The following ATP9A variants were observed in gnomAD, a reference collection of about 807,000 sequenced individuals.
ATP9A encodes the protein probable phospholipid-transporting ATPase IIA.
In ATP9A, 52 loss-of-function variants were observed where a neutral mutation model predicts 144.1. The ratio of observed to expected loss-of-function variants is 0.36; its 90% CI spans 0.29 to 0.45. The LOEUF is 0.45. Ranked by LOEUF, ATP9A falls within the 20% of genes least tolerant of loss-of-function variation. The probability of loss-of-function intolerance (pLI) is 1.00; values close to 1 mark genes in which losing one functional copy is unlikely to be tolerated. For missense variants in ATP9A, 947 were observed against 1,392.7 expected (o/e 0.68, Z 5.09); for synonymous variants, 582 against 557.4 (o/e 1.04, Z -0.62).
Position 51,596,589 on chromosome 20 carries a change from T to C in ATP9A, c.*4622A>G, listed in dbSNP as rs1243393109. 2 of 152,146 alleles carry C rather than the reference T, an allele frequency of 1.3e-5. No individual in the cohort carries two copies. The highest frequency in any genetic ancestry group is 2.4e-5 in the African/African-American group (1 of 41,430). The allele number at this position is 152,146 out of a possible 1,614,324, so 9.4% of individuals were successfully genotyped here. ...GTCTGGGATGGACAATAGTACAAAATAATAAATAACATGCATTGATTTGGG... is the reference window on the plus strand; with the variant it reads ...GTCTGGGATGGACAATAGTACAAAACAATAAATAACATGCATTGATTTGGG... On this transcript the variant is annotated 3_prime_UTR_variant, in exon 28 of 28. Transcript: ENST00000338821.
rs1388084165 is a variant in ATP9A, at chr20:51,689,985, A to ACC, written c.723+752_723+753dup. Among the ~76,000 whole-genome samples, 3 of 151,170 alleles carry ACC rather than the reference A, an allele frequency of 2.0e-5. No homozygotes were observed. In the East Asian group the frequency reaches 6.1e-4, roughly 31 times the overall value. On this transcript the variant is annotated intron_variant, in intron 8 of 27. Transcript: ENST00000338821. ...AAATTAGCCAGGCGTGGTGATGCACACCTGGAATCCCAGCTACTCAGGAAG... is the reference window on the plus strand; with the variant it reads ...AAATTAGCCAGGCGTGGTGATGCACACCCCTGGAATCCCAGCTACTCAGGAAG...
At chr20:51,706,262 T>C (rs1163926884) in intron 4 of ATP9A, among the ~76,000 whole-genome samples, 1 of 152,246 alleles carries the variant, frequency 6.6e-6, no homozygotes, top group Non-Finnish European at 1.5e-5. Flanking sequence ...GTAACTTGAC[T>C]TAAAGGCTAA....
chr20:51,688,412 G>A (rs1197944727), intron 9 of ATP9A, among the ~76,000 whole-genome samples: 1 of 152,054 alleles, frequency 6.6e-6, no homozygotes, highest in Non-Finnish European at 1.5e-5. Flanking sequence ...GGCCAACATG[G>A]TGAAACCCCA....
intron 1 of ATP9A, among the ~76,000 whole-genome samples, chr20:51,747,783 C>T (rs1260673842): frequency 1.3e-5 from 2 of 152,128 alleles, no homozygotes; most frequent in African/African-American, 4.8e-5. Flanking sequence ...GACCCACTCC[C>T]ACAAAGATCC....
rs377730874 is a variant in ATP9A at position 51,617,538 on chromosome 20, G to A, written c.2367C>T (p.Asp789=). The change falls in exon 22 of 28, where the codon GAC becomes GAT. Residue 789 remains aspartate (D), a synonymous_variant. Transcript: ENST00000338821. ...AGTCAGATTCCTGAATCATGCTGAC[G>A]TCATTGCCTCCGTCCCCTGCGAGCC... ...LTCAVGDGGN[D]VSMIQESDCG... 3.1e-6 allele frequency: 5 copies of A among 1,611,718 alleles called. No homozygotes were observed. Among genetic ancestry groups the A allele is most frequent in the East Asian group, 2.2e-5 (1 of 44,806 alleles).
intron 14 of ATP9A, among the ~76,000 whole-genome samples, chr20:51,646,948 T>C (rs1376137617): frequency 6.6e-6 from 1 of 151,464 alleles, no homozygotes; most frequent in Non-Finnish European, 1.5e-5. Flanking sequence ...TGAAAACCCA[T>C]CTCTACTAAA....
At chr20:51,608,413 AG>A (rs2077172120) in intron 25 of ATP9A, 104 bp downstream of exon 25, 2 of 777,414 alleles carry the variant, frequency 2.6e-6, no homozygotes, top group Non-Finnish European at 2.3e-6. Flanking sequence ...TCAGAATTGG[AG>A]GGTCTGTGTG....
intron 23 of ATP9A, among the ~76,000 whole-genome samples, chr20:51,613,314 C>T (rs182605789): frequency 1.3e-5 from 2 of 152,290 alleles, no homozygotes; most frequent in East Asian, 3.9e-4. Context: ...ATTATAACAA[C>T]GTACCCACAA....
chr20:51,677,417 C>A (rs2077482160), intron 9 of ATP9A, among the ~76,000 whole-genome samples: 1 of 152,174 alleles, frequency 6.6e-6, no homozygotes, highest in Admixed American at 6.5e-5. Flanking sequence ...TAGTAGCTAC[C>A]TCATGGAACA....
intron 3 of ATP9A, among the ~76,000 whole-genome samples, chr20:51,715,146 T>TAC (rs2077656673): frequency 6.6e-6 from 1 of 152,240 alleles, no homozygotes; most frequent in Non-Finnish European, 1.5e-5. Context: ...TTTCATAGTT[T>TAC]ACCCTGTGAA....
At chr20:51,722,496 GA>G (rs1219538098) in intron 3 of ATP9A, among the ~76,000 whole-genome samples, 1 of 151,824 alleles carries the variant, frequency 6.6e-6, no homozygotes, top group East Asian at 1.9e-4. Context: ...AAATCAGTAA[GA>G]AAAAAACAAA....
chr20:51,640,308 C>A (rs560175525), intron 14 of ATP9A, among the ~76,000 whole-genome samples: 1 of 152,272 alleles, frequency 6.6e-6, no homozygotes, highest in Admixed American at 6.5e-5. Context: ...CCCAGGGGAC[C>A]CGCGCCAACA....
intron 15 of ATP9A, among the ~76,000 whole-genome samples, chr20:51,638,420 G>A (rs1324227409): frequency 2.6e-5 from 4 of 151,976 alleles, no homozygotes. Flanking sequence ...ACATAGGTGT[G>A]GGACTGAACC....
rs1032962249 is a variant in ATP9A at position 51,615,385 on chromosome 20, T to C, written c.2416-1553A>G. ...TAAGAAGTGATGGCTCTGTATGCTC[T>C]CATGTAGGAACAAATCCATGATGTA... On this transcript the variant is annotated intron_variant, in intron 22 of 27. Coordinates refer to ENST00000338821, the MANE Select transcript of ATP9A (RefSeq NM_006045.3). 7.2e-5 allele frequency among the ~76,000 whole-genome samples: 11 copies of C among 152,302 alleles called. No individual in the cohort carries two copies. The South Asian group carries it at 1.5e-3, about 20-fold the overall frequency.
chr20:51,633,581 A>G (rs771582497), intron 15 of ATP9A, among the ~76,000 whole-genome samples: 2 of 152,090 alleles, frequency 1.3e-5, no homozygotes, highest in Non-Finnish European at 2.9e-5. Context: ...CTTTGGCTCT[A>G]CAAAAAATTT....
chr20:51,709,397 C>T (rs978704278), intron 4 of ATP9A, among the ~76,000 whole-genome samples: 1 of 152,140 alleles, frequency 6.6e-6, no homozygotes, highest in Non-Finnish European at 1.5e-5. Context: ...CACCTGTAAT[C>T]CCAGCTACTC....
At chr20:51,711,732 C>T (rs1455429625) in intron 4 of ATP9A, among the ~76,000 whole-genome samples, 1 of 152,010 alleles carries the variant, frequency 6.6e-6, no homozygotes, top group African/African-American at 2.4e-5. Flanking sequence ...GGCTTTTCCA[C>T]CGTGTGTTTC....
At chr20:51,633,806 G>A (rs531448975) in intron 15 of ATP9A, among the ~76,000 whole-genome samples, 1 of 148,798 alleles carries the variant, frequency 6.7e-6, no homozygotes, top group East Asian at 2.0e-4. Context: ...AAGAAAGAAA[G>A]AAAGGACAGA....
At chr20:51,674,817 A>G (rs2077470440) in intron 10 of ATP9A, among the ~76,000 whole-genome samples, 1 of 152,070 alleles carries the variant, frequency 6.6e-6, no homozygotes, top group African/African-American at 2.4e-5. Context: ...ATTAATGGAC[A>G]TTATTTTATT....
Sources: allele counts gnomAD v4.1 joint callset (sites outside exome capture counted in the v4.1 genomes callset), GRCh38; gene constraint gnomAD v4.1.1; transcripts MANE v1.5; gene names NCBI Gene and HGNC (gene_info 2026-07-23, HGNC 2026-07-21).